The following TMC5 variants were observed in gnomAD, a reference collection of about 807,000 sequenced individuals.
The protein encoded by TMC5 is transmembrane channel-like protein 5.
A neutral mutation model predicts 110.5 loss-of-function variants in TMC5; 86 were observed. The observed-to-expected ratio is 0.78, with a 90% confidence interval of 0.65 to 0.93. TMC5 has a LOEUF of 0.93. Among genes scored for constraint, TMC5 ranks in the 40% least tolerant of loss-of-function variants. The pLI is 0.00. For missense variants in TMC5, 1,144 were observed against 1,222.8 expected, an observed-to-expected ratio of 0.94 and a Z score of 0.96; for synonymous variants, 455 against 439.5, an observed-to-expected ratio of 1.04 and a Z score of -0.44.
At chr16:19,443,594 C>CACCT (rs1567304750) in intron 3 of TMC5, among the ~76,000 whole-genome samples, 3 of 152,202 alleles carry the variant, frequency 2.0e-5, no homozygotes, top group African/African-American at 7.2e-5. Context: ...CCATGTTTTC[C>CACCT]TCTTTGTATT....
chr16:19,482,247 G>A (rs1220291741), intron 15 of TMC5, among the ~76,000 whole-genome samples: 1 of 151,924 alleles, frequency 6.6e-6, no homozygotes, highest in African/African-American at 2.4e-5. Context: ...TAGTAGAGAT[G>A]GGGTTTCATC....
chr16:19,446,092 G>C (rs1967608970), intron 4 of TMC5, among the ~76,000 whole-genome samples: 1 of 147,388 alleles, frequency 6.8e-6, no homozygotes, highest in Admixed American at 6.8e-5. Flanking sequence ...GAAGAGTTGG[G>C]GGGAGGTGGA....
intron 3 of TMC5, 116 bp downstream of exon 3, chr16:19,440,942 C>T: frequency 1.9e-6 from 2 of 1,080,322 alleles, no homozygotes; most frequent in South Asian, 3.2e-5. Flanking sequence ...GTTTCTATGA[C>T]CTGAAGTTGT....
intron 12 of TMC5, among the ~76,000 whole-genome samples, chr16:19,475,802 CTTTTTTTTTTT>C (rs1032784346): frequency 7.9e-6 from 1 of 127,358 alleles, no homozygotes; most frequent in Admixed American, 8.0e-5. Flanking sequence ...AATTTTCTTT[CTTTTTTTTTTT>C]TTTTTTTTTG....
At chr16:19,461,134 C>T (rs955967687) in intron 6 of TMC5, among the ~76,000 whole-genome samples, 1 of 152,138 alleles carries the variant, frequency 6.6e-6, no homozygotes, top group Non-Finnish European at 1.5e-5. Flanking sequence ...AGTAACGTAC[C>T]AGTACTGGTA....
At chr16:19,451,521 A>G (rs1267368799) in intron 5 of TMC5, among the ~76,000 whole-genome samples, 1 of 152,048 alleles carries the variant, frequency 6.6e-6, no homozygotes, top group Non-Finnish European at 1.5e-5. Context: ...AGGTTTGGAG[A>G]CTGTATAGAA....
Position 19,486,817 on chromosome 16 carries a change from T to A in TMC5, c.2364-128T>A, listed in dbSNP as rs966396962. On this transcript the variant is annotated intron_variant, in intron 15 of 21. Transcript: ENST00000542583. ...GAGATATTCGGGGTTAAGGCCTCAA[T>A]ATATGGATTTTGGGGACACACAATC... is the stretch of plus-strand genomic sequence containing the variant. The A allele has an allele frequency of 8.0e-6, 6 of 753,620 alleles. No homozygotes were observed. In the African/African-American group the frequency reaches 1.0e-4, roughly 13 times the overall value. The allele number at this position is 753,620 out of a possible 1,614,324, so 46.7% of individuals were successfully genotyped here.
intron 19 of TMC5, among the ~76,000 whole-genome samples, chr16:19,492,915 G>GATAGATAGATATATATATAT (rs58561457): frequency 1.2e-3 from 50 of 42,774 alleles, no homozygotes; most frequent in African/African-American, 2.5e-3. Context: ...TTAAAACTTA[G>GATAGATAGATATATATATAT]ATATATATAT....
intron 11 of TMC5, among the ~76,000 whole-genome samples, chr16:19,473,570 C>T (rs56666239): frequency 0.13 from 20,517 of 152,060 alleles, 2,110 homozygotes; most frequent in African/African-American, 0.29. Context: ...CTGAGTCAGA[C>T]ACACCTAGGC....
intron 4 of TMC5, among the ~76,000 whole-genome samples, chr16:19,449,090 A>G (rs891158905): frequency 3.3e-5 from 5 of 151,808 alleles, no homozygotes; most frequent in Admixed American, 1.3e-4. Flanking sequence ...TGACCTCGTG[A>G]TCCACCTGTC....
chr16:19,419,402 GTTTTTTTTTT>G (rs55696911), intron 1 of TMC5, among the ~76,000 whole-genome samples: 15 of 65,652 alleles, frequency 2.3e-4, no homozygotes, highest in African/African-American at 7.7e-4. Flanking sequence ...GAATGTGTTG[GTTTTTTTTTT>G]TTTTTTTTTT....
chr16:19,479,677 TA>T, intron 14 of TMC5, 149 bp downstream of exon 14: 1 of 632,100 alleles, frequency 1.6e-6, no homozygotes, highest in Non-Finnish European at 2.8e-6. Flanking sequence ...TGTTCACTTC[TA>T]AATTAGCTAA....
At chr16:19,427,398 G>T (rs778178658) in intron 1 of TMC5, among the ~76,000 whole-genome samples, 2 of 152,228 alleles carry the variant, frequency 1.3e-5, no homozygotes, top group African/African-American at 2.4e-5. Flanking sequence ...GCTGCAGTGA[G>T]CTATCATCGT....
intron 2 of TMC5, among the ~76,000 whole-genome samples, chr16:19,436,200 G>A (rs780236675): frequency 4.9e-5 from 7 of 144,272 alleles, no homozygotes; most frequent in Non-Finnish European, 6.0e-5. Flanking sequence ...ATGGGGGTGC[G>A]GAAGTTGTGG....
intron 1 of TMC5, among the ~76,000 whole-genome samples, chr16:19,425,844 G>A (rs1206786238): frequency 1.3e-5 from 2 of 151,992 alleles, no homozygotes; most frequent in Non-Finnish European, 2.9e-5. Flanking sequence ...GCACCACCAC[G>A]CTCAGCTCAT....
intron 5 of TMC5, among the ~76,000 whole-genome samples, chr16:19,450,351 G>A (rs561349435): frequency 2.6e-5 from 4 of 152,202 alleles, no homozygotes; most frequent in Non-Finnish European, 5.9e-5. Context: ...TGCCTGGCAC[G>A]TAGTAGGTAT....
intron 2 of TMC5, among the ~76,000 whole-genome samples, chr16:19,438,002 C>A (rs1384917725): frequency 1.3e-5 from 2 of 152,116 alleles, no homozygotes; most frequent in Non-Finnish European, 2.9e-5. Flanking sequence ...TCCTGACCAG[C>A]CAGTCAGGAG....
chr16:19,435,175 G>C (rs1373527193), intron 2 of TMC5, among the ~76,000 whole-genome samples: 1 of 152,058 alleles, frequency 6.6e-6, no homozygotes, highest in Non-Finnish European at 1.5e-5. Context: ...TACAGCTTCT[G>C]ATTTCTCATT....
chr16:19,481,301 C>T (rs546425029), intron 14 of TMC5, 69 bp from the exon 15 acceptor site: 2 of 1,124,324 alleles, frequency 1.8e-6, no homozygotes, highest in Admixed American at 3.4e-5. Context: ...GTTGATTGTC[C>T]TAGTCTGTGG....
Sources: allele counts gnomAD v4.1 joint callset (sites outside exome capture counted in the v4.1 genomes callset), GRCh38; gene constraint gnomAD v4.1.1; transcripts MANE v1.5; gene names NCBI Gene and HGNC (gene_info 2026-07-23, HGNC 2026-07-21).